Variants in DNM3 observed in about 807,000 individuals in gnomAD.
The protein encoded by DNM3 is dynamin-3.
Under a neutral mutation model 101.6 loss-of-function variants are expected in DNM3, and 47 were observed. That is an observed-to-expected ratio of 0.46 (90% confidence interval 0.37 to 0.59). DNM3 has a LOEUF of 0.59. DNM3 is among the 20% of genes least tolerant of loss of function. The pLI, the probability that DNM3 is intolerant of heterozygous loss-of-function variation, is 0.00. For missense variants in DNM3, 849 were observed against 1,085.7 expected (o/e 0.78, Z 3.06); for synonymous variants, 385 against 387.9 (o/e 0.99, Z 0.09).
chr1:172,074,102 T>C (rs1414489376), intron 11 of DNM3, among the ~76,000 whole-genome samples: 2 of 152,156 alleles, frequency 1.3e-5, no homozygotes, highest in East Asian at 1.9e-4. Context: ...TCAGGCACTG[T>C]TCTAGGCACT....
At chr1:171,922,724 T>G (rs1158114514) in intron 2 of DNM3, among the ~76,000 whole-genome samples, 1 of 152,224 alleles carries the variant, frequency 6.6e-6, no homozygotes, top group African/African-American at 2.4e-5. Flanking sequence ...CACTCCAGCC[T>G]AGGCACTACT....
At chr1:172,107,649 G>A (rs2055160729) in intron 13 of DNM3, among the ~76,000 whole-genome samples, 1 of 152,228 alleles carries the variant, frequency 6.6e-6, no homozygotes, top group Non-Finnish European at 1.5e-5. Flanking sequence ...CTTTTGGAAG[G>A]ATGCCACTAG....
chr1:172,258,531 G>C (rs2062513141), intron 15 of DNM3, among the ~76,000 whole-genome samples: 1 of 151,898 alleles, frequency 6.6e-6, no homozygotes, highest in Non-Finnish European at 1.5e-5. Context: ...ATTTCTTCTA[G>C]GTTTTCTAGT....
intron 14 of DNM3, among the ~76,000 whole-genome samples, chr1:172,182,075 C>T (rs976492108): frequency 6.6e-6 from 1 of 151,768 alleles, no homozygotes; most frequent in Non-Finnish European, 1.5e-5. Flanking sequence ...TTATAACGAA[C>T]TGGAACTTTT....
intron 17 of DNM3, among the ~76,000 whole-genome samples, chr1:172,332,958 G>A (rs545934705): frequency 6.6e-5 from 10 of 152,252 alleles, no homozygotes; most frequent in African/African-American, 2.2e-4. Flanking sequence ...AAGTTGTTAC[G>A]TATTTAAAAT....
intron 17 of DNM3, among the ~76,000 whole-genome samples, chr1:172,329,314 A>T (rs2066083457): frequency 6.6e-6 from 1 of 152,128 alleles, no homozygotes; most frequent in South Asian, 2.1e-4. Flanking sequence ...TGTATAGAAA[A>T]ATTTAAATGT....
At chr1:172,100,358 G>A (rs1369008180) in intron 13 of DNM3, among the ~76,000 whole-genome samples, 1 of 152,068 alleles carries the variant, frequency 6.6e-6, no homozygotes, top group Admixed American at 6.5e-5. Flanking sequence ...TCTCTCACAG[G>A]TCTCAGAAAA....
chr1:171,908,667 AATT>A (rs10606281), intron 1 of DNM3, among the ~76,000 whole-genome samples: 39,583 of 151,996 alleles, frequency 0.26, 5,639 homozygotes, highest in Admixed American at 0.34. Context: ...TAATAATAAT[AATT>A]AACATATAAC....
intron 15 of DNM3, among the ~76,000 whole-genome samples, chr1:172,281,862 A>G (rs2063503618): frequency 1.3e-5 from 2 of 152,212 alleles, no homozygotes; most frequent in Non-Finnish European, 2.9e-5. Flanking sequence ...ATCATTATAC[A>G]TTGAATACTT....
At chr1:171,908,724 C>T (rs1181344509) in intron 1 of DNM3, among the ~76,000 whole-genome samples, 1 of 152,128 alleles carries the variant, frequency 6.6e-6, no homozygotes, top group East Asian at 1.9e-4. Context: ...ATCTTAATTT[C>T]TTCGCACTGA....
intron 1 of DNM3, among the ~76,000 whole-genome samples, chr1:171,899,052 G>A (rs542966904): frequency 1.7e-4 from 26 of 152,276 alleles, no homozygotes; most frequent in Non-Finnish European, 2.8e-4. Context: ...TAGCCCCTCC[G>A]GACGCTTGCC....
intron 13 of DNM3, among the ~76,000 whole-genome samples, chr1:172,126,887 G>A (rs564318852): frequency 1.3e-5 from 2 of 151,866 alleles, no homozygotes; most frequent in East Asian, 3.9e-4. Context: ...CTGTACTTAG[G>A]TCACCCGGAT....
At chr1:171,980,086 T>TGA (rs2044674959) in intron 2 of DNM3, among the ~76,000 whole-genome samples, 2 of 151,950 alleles carry the variant, frequency 1.3e-5, no homozygotes, top group African/African-American at 4.8e-5. Flanking sequence ...ACTCTCCTAC[T>TGA]GAGACCTCTA....
chr1:172,260,272 A>G (rs1294891566), intron 15 of DNM3, among the ~76,000 whole-genome samples: 1 of 151,508 alleles, frequency 6.6e-6, no homozygotes, highest in Admixed American at 6.6e-5. Flanking sequence ...TTTGTCTTTG[A>G]TTTTTGAGTT....
chr1:172,145,426 C>T (rs1053724602), intron 14 of DNM3, among the ~76,000 whole-genome samples: 5 of 148,756 alleles, frequency 3.4e-5, no homozygotes, highest in African/African-American at 9.9e-5. Flanking sequence ...CTCCTTCTCT[C>T]TCTCCCTCCT....
chr1:172,168,673 A>G (rs1053168109), intron 14 of DNM3, among the ~76,000 whole-genome samples: 1 of 151,952 alleles, frequency 6.6e-6, no homozygotes, highest in African/African-American at 2.4e-5. Flanking sequence ...TGGAAATATT[A>G]AATGCACAGC....
At chr1:172,032,523 AGACTTTTTTTT>A in intron 5 of DNM3, 23 bp downstream of exon 5, 1 of 1,018,514 alleles carries the variant, frequency 9.8e-7, no homozygotes, top group Non-Finnish European at 1.4e-6. Flanking sequence ...GGTCTATACA[AGACTTTTTTTT>A]TTTTTTTTTT....
chr1:171,944,516 A>G (rs1368144510), intron 2 of DNM3, among the ~76,000 whole-genome samples: 1 of 151,850 alleles, frequency 6.6e-6, no homozygotes, highest in Non-Finnish European at 1.5e-5. Context: ...TGGGACCACA[A>G]GCGTGTGCCA....
At chr1:171,888,416 G>A (rs956647645) in intron 1 of DNM3, among the ~76,000 whole-genome samples, 4 of 152,102 alleles carry the variant, frequency 2.6e-5, no homozygotes, top group Non-Finnish European at 5.9e-5. Flanking sequence ...TATAAAACTG[G>A]CATAGATTTA....
Sources: allele counts gnomAD v4.1 joint callset (sites outside exome capture counted in the v4.1 genomes callset), GRCh38; gene constraint gnomAD v4.1.1; transcripts MANE v1.5; gene names NCBI Gene and HGNC (gene_info 2026-07-23, HGNC 2026-07-21).